TSPOAP1: variants seen among roughly 807,000 people sequenced by gnomAD.
TSPOAP1 encodes peripheral-type benzodiazepine receptor-associated protein 1.
Under a neutral mutation model 197.0 loss-of-function variants are expected in TSPOAP1, and 87 were observed. That is an observed-to-expected ratio of 0.44 (90% confidence interval 0.37 to 0.53). TSPOAP1 has a LOEUF of 0.53. Among genes scored for constraint, TSPOAP1 ranks in the 20% least tolerant of loss-of-function variants. The probability of loss-of-function intolerance (pLI) is 0.00; values close to 1 mark genes in which losing one functional copy is unlikely to be tolerated. For missense variants in TSPOAP1, 2,174 were observed against 2,411.3 expected (o/e 0.90, Z 2.06); for synonymous variants, 913 against 998.9 (o/e 0.91, Z 1.62).
rs111772422 is a variant in TSPOAP1, at chr17:58,326,142, T to G, written c.570+151A>C. The G allele has an allele frequency of 2.4e-3, 3,166 of 1,311,988 alleles. 59 individuals carry two copies. The African/African-American group carries it at 0.041, about 17-fold the overall frequency. The allele number at this position is 1,311,988 out of a possible 1,614,324, so 81.3% of individuals were successfully genotyped here. A position where few individuals can be genotyped will look rare whatever the true frequency, so the allele number is the denominator to read the frequency against. ...TTGGCCTCCTTGCCTGGCCAGCCTC[T>G]GCCCTTCCTGCACCTTAGCCCCTAG... On this transcript the variant is annotated intron_variant, in intron 3 of 31. Transcript: ENST00000343736. The surrounding 1 kb of genome is among the most constrained non-coding windows in gnomAD (Gnocchi z 4.7).
At position 58,316,072 on chromosome 17, in the gene TSPOAP1, G is replaced by T. The variant is rs748932043; in HGVS notation, c.2049C>A (p.Gly683=). The T allele has an allele frequency of 1.9e-6, 3 of 1,614,066 alleles. No individual in the cohort carries two copies. The highest frequency in any genetic ancestry group is 1.7e-6 in the Non-Finnish European group (2 of 1,180,018). ...TGTTGCCATAGATGTAGATGTACTC[G>T]CCAGCTGTCAGCGGAAGCTCTGCTT... ...NPEAELPLTA[G]EYIYIYGNMD... Residue 683 remains glycine, a synonymous_variant, in exon 16 of 32, where the codon GGC becomes GGA. Transcript: ENST00000343736.
chr17:58,317,196 A>G (rs1567845953), intron 14 of TSPOAP1, among the ~76,000 whole-genome samples: 1 of 152,118 alleles, frequency 6.6e-6, no homozygotes, highest in Non-Finnish European at 1.5e-5. Context: ...GCCCTGTCTA[A>G]AAACAAACAA....
At chr17:58,302,523 T>C (rs1030417215) in intron 31 of TSPOAP1, 76 bp from the exon 32 acceptor site, 2 of 1,075,178 alleles carry the variant, frequency 1.9e-6, no homozygotes, top group Non-Finnish European at 2.4e-6. Flanking sequence ...TTCCACAGCC[T>C]AAGGGGCCTG....
At chr17:58,311,293 C>G in intron 18 of TSPOAP1, 80 bp from the exon 19 acceptor site, 5 of 1,554,130 alleles carry the variant, frequency 3.2e-6, no homozygotes, top group Non-Finnish European at 4.3e-6. Flanking sequence ...GCAGTGGCAG[C>G]TAACTGACAG....
rs1328571679 is a variant in TSPOAP1, at chr17:58,322,636, C to T, written c.1317+18G>A. The T allele has an allele frequency of 1.2e-6, 2 of 1,607,478 alleles. No individual in the cohort carries two copies. The highest frequency in any genetic ancestry group is 1.1e-5 in the South Asian group (1 of 91,074). The stretch of plus-strand genomic sequence containing the variant: ...TGCCAGGGCCCAGCACCCTCTCCCA[C>T]CTGCACCATCTCCTCACCTTCAGCA... On this transcript the variant is annotated intron_variant, in intron 9 of 31. Transcript: ENST00000343736. This position sits in a 1 kb window ranked among gnomAD's most constrained non-coding sequence, Gnocchi z 5.0.
intron 20 of TSPOAP1, 131 bp from the exon 21 acceptor site, chr17:58,310,289 G>C (rs1971040299): frequency 8.8e-7 from 1 of 1,136,822 alleles, no homozygotes; most frequent in African/African-American, 1.6e-5. Flanking sequence ...TCCTAAATGG[G>C]GGAGGCACAC....
Position 58,311,629 on chromosome 17 carries a change from G to A in TSPOAP1, c.3023C>T (p.Ala1008Val), listed in dbSNP as rs1194594212. 6.2e-7 allele frequency: 1 copy of A among 1,610,916 alleles called. No individual in the cohort carries two copies. The part of the protein sequence containing the change: ...ISWLPVTIDA[A>V]GTSNGVRVTG... ...GACCCGGACACCGTTGGATGTGCCA[G>A]CAGCATCGATGGTGACTGGGAGCCA... Residue 1008 changes from alanine (A) to valine (V), a missense_variant, in exon 18 of 32, where the codon GCT becomes GTT. This residue lies in a region of TSPOAP1 where 1,933 missense variants were observed against 2,139.0 expected (regional missense o/e 0.90). Transcript: ENST00000343736.
At position 58,310,897 on chromosome 17, in the gene TSPOAP1, G is replaced by C; in HGVS notation, c.3398C>G (p.Ala1133Gly). ...TTTTGCCATCTCTCTGGAAGGGCTT[G>C]CAGGGGGTGCTCCTGGAGGCTCTTG... ...GTQEPPGAPP[A>G]SPSREMAKGS... Residue 1133 changes from alanine (A) to glycine (G), a missense_variant, in exon 19 of 32, where the codon GCA (alanine) becomes GGA (glycine). Ala to Gly is a moderately conservative substitution (Grantham distance 60, BLOSUM62 0). This residue lies in a region of TSPOAP1 where 1,933 missense variants were observed against 2,139.0 expected (regional missense o/e 0.90). Coordinates refer to ENST00000343736, the MANE Select transcript of TSPOAP1 (RefSeq NM_004758.4). 6.5e-7 allele frequency: 1 copy of C among 1,544,852 alleles called. No homozygotes were observed. Among genetic ancestry groups the C allele is most frequent in the South Asian group, 1.3e-5 (1 of 79,100 alleles).
Position 58,325,021 on chromosome 17 carries a change from G to C in TSPOAP1, c.751-19C>G, listed in dbSNP as rs1045619298. On this transcript the variant is annotated intron_variant, in intron 4 of 31. Coordinates refer to ENST00000343736, the MANE Select transcript of TSPOAP1 (RefSeq NM_004758.4). ...GACCCTCCTGAGGTTGGGGGACAGG[G>C]ACAGGGAGGGGACTCAGGCCTAATC... 2.7e-5 allele frequency: 41 copies of C among 1,507,514 alleles called. No individual in the cohort carries two copies. In the Admixed American group the frequency reaches 7.4e-4, roughly 27 times the overall value. The allele number at this position is 1,507,514 out of a possible 1,614,324, so 93.4% of individuals were successfully genotyped here. A position where few individuals can be genotyped will look rare whatever the true frequency, so the allele number is the denominator to read the frequency against.
Position 58,307,732 on chromosome 17 carries a change from G to C in TSPOAP1, c.4862C>G (p.Ala1621Gly), listed in dbSNP as rs1184403712. ...GATCCTGACGGGTAGGTGCTGGTAA[G>C]CCAGTGTTTCTGAGGGGCTCCTCGC... ...VPARSPSETL[A>G]YQHLPVRIFV... is the part of the protein sequence containing the mutation. Residue 1621 changes from alanine (A) to glycine (G), a missense_variant, in exon 24 of 32, where the codon GCT becomes GGT. This residue lies in a region of TSPOAP1 where 1,933 missense variants were observed against 2,139.0 expected (regional missense o/e 0.90). Coordinates refer to ENST00000343736, the MANE Select transcript of TSPOAP1 (RefSeq NM_004758.4). 6.2e-7 allele frequency: 1 copy of C among 1,614,186 alleles called. No individual in the cohort carries two copies. Among genetic ancestry groups the C allele is most frequent in the South Asian group, 1.1e-5 (1 of 91,086 alleles).
rs769467219 is a variant in TSPOAP1, at chr17:58,323,513, G to T, written c.975C>A (p.Pro325=). 6.8e-6 allele frequency: 11 copies of T among 1,614,158 alleles called. No individual in the cohort carries two copies. The highest frequency in any genetic ancestry group is 9.3e-6 in the Non-Finnish European group (11 of 1,180,010). The change falls in exon 6 of 32, where the codon CCC becomes CCA. Residue 325 remains proline (P), a synonymous_variant. Transcript: ENST00000343736. ...ATPQEDADNL[P]VILGEPEKEQ... ...CTTTCTCTGGCTCCCCTAGAATCACGGGTAGGTTGTCCGCATCCTCCTGGG... is the reference window on the plus strand; with the variant it reads ...CTTTCTCTGGCTCCCCTAGAATCACTGGTAGGTTGTCCGCATCCTCCTGGG...
In TSPOAP1 at chr17:58,328,200, G is replaced by T. The variant is rs997730205; in HGVS notation, c.-280C>A. 4 of 498,502 alleles carry T rather than the reference G, an allele frequency of 8.0e-6. No individual in the cohort carries two copies. Among genetic ancestry groups the T allele is most frequent in the Admixed American group, 6.6e-5 (2 of 30,158 alleles). The allele number at this position is 498,502 out of a possible 1,614,324, so 30.9% of individuals were successfully genotyped here. A position where few individuals can be genotyped will look rare whatever the true frequency, so the allele number is the denominator to read the frequency against. On this transcript the variant is annotated 5_prime_UTR_variant, in exon 1 of 32. Coordinates refer to ENST00000343736, the MANE Select transcript of TSPOAP1 (RefSeq NM_004758.4). The surrounding 1 kb of genome is among the most constrained non-coding windows in gnomAD (Gnocchi z 4.3). ...GCGAGGGTGTCCCTGTGGGGGTAGG[G>T]AGGATGTGCAGAGGCCACCGACAGC...
intron 16 of TSPOAP1, among the ~76,000 whole-genome samples, chr17:58,314,279 AGG>A (rs1598067004): frequency 6.6e-6 from 1 of 152,352 alleles, no homozygotes; most frequent in East Asian, 1.9e-4. Flanking sequence ...AGCACTGTAG[AGG>A]GTTGAATGGT....
Position 58,312,246 on chromosome 17 carries a change from C to T in TSPOAP1, c.2575G>A (p.Val859Ile). 4.3e-6 allele frequency: 7 copies of T among 1,612,640 alleles called. No homozygotes were observed. The highest frequency in any genetic ancestry group is 5.9e-6 in the Non-Finnish European group (7 of 1,179,724). The change falls in exon 17 of 32, where the codon GTC becomes ATC. Residue 859 changes from valine to isoleucine, a missense_variant. Physicochemically the swap from Val to Ile is conservative, Grantham distance 29. Around this residue, in one of 5 missense-constraint regions of TSPOAP1, gnomAD observed 1,933 missense variants for 2,139.0 expected, o/e 0.90. Transcript: ENST00000343736. ...CTGCCCCGGCTAGTCAGGGCCTGGA[C>T]AGAAATGTGAAGGGGCCCGGCCCAC... ...DLWAGPLHIS[V>I]QALTSRGSSD... is the part of the protein sequence containing the mutation.
rs1385401585 is a variant in TSPOAP1 at position 58,308,521 on chromosome 17, G to A, written c.4731+20C>T. Reference sequence around the variant, plus strand: ...GTGGCAGCAGGCAGGGGCTGCCCAGGGCGGGGAGTGAGCACGGACCCGGGA... The same window carrying A: ...GTGGCAGCAGGCAGGGGCTGCCCAGAGCGGGGAGTGAGCACGGACCCGGGA... On this transcript the variant is annotated intron_variant, in intron 22 of 31. Transcript: ENST00000343736. 2.0e-6 allele frequency: 3 copies of A among 1,507,722 alleles called. No homozygotes were observed. Among genetic ancestry groups the A allele is most frequent in the Non-Finnish European group, 2.7e-6 (3 of 1,129,536 alleles). The allele number at this position is 1,507,722 out of a possible 1,614,324, so 93.4% of individuals were successfully genotyped here.
Position 58,322,254 on chromosome 17 carries a change from G to C in TSPOAP1, c.1422+54C>G, listed in dbSNP as rs1423764317. ...CACAGTAAATGCTTGTGGAATGAGT[G>C]AGTGGCAAAGCTGGTGTCCAGCAGC... On this transcript the variant is annotated intron_variant, in intron 10 of 31. Transcript: ENST00000343736. The surrounding 1 kb of genome is among the most constrained non-coding windows in gnomAD (Gnocchi z 5.0). The C allele has an allele frequency of 5.9e-6, 9 of 1,538,334 alleles. No individual in the cohort carries two copies. Among genetic ancestry groups the C allele is most frequent in the Non-Finnish European group, 8.0e-6 (9 of 1,126,758 alleles).
intron 14 of TSPOAP1, 127 bp from the exon 15 acceptor site, chr17:58,316,667 AC>A: frequency 1.5e-6 from 1 of 674,510 alleles, no homozygotes; most frequent in Non-Finnish European, 2.5e-6. Flanking sequence ...TACATGCTGC[AC>A]AGGAGCAGTG....
At chr17:58,314,709 C>T (rs1971170790) in intron 16 of TSPOAP1, among the ~76,000 whole-genome samples, 1 of 152,238 alleles carries the variant, frequency 6.6e-6, no homozygotes, top group South Asian at 2.1e-4. Context: ...ATTGCTCCTG[C>T]AGCCCTAGGA....
intron 18 of TSPOAP1, 94 bp downstream of exon 18, chr17:58,311,477 G>A: frequency 6.8e-7 from 1 of 1,479,670 alleles, no homozygotes; most frequent in South Asian, 1.4e-5. Flanking sequence ...GCCAGGGGCT[G>A]GGCATCTCCG....
Sources: gnomAD v4.1 joint callset for allele counts (sites outside exome capture counted in the v4.1 genomes callset) on GRCh38, gnomAD v4.1.1 for gene constraint, gnomAD v4.1.1 regional missense constraint, Gnocchi (gnomAD v3.1) non-coding constraint, MANE v1.5 for transcripts, NCBI Gene and HGNC (gene_info 2026-07-23, HGNC 2026-07-21) for gene names.